ALDH1A2: variants seen among roughly 807,000 people sequenced by gnomAD.
ALDH1A2 encodes the protein retinal dehydrogenase 2.
Under a neutral mutation model 60.3 loss-of-function variants are expected in ALDH1A2, and 27 were observed. The observed-to-expected ratio is 0.45, with a 90% CI of 0.33 to 0.62. The LOEUF is 0.62. Ranked by LOEUF, ALDH1A2 falls within the 20% of genes least tolerant of loss-of-function variation. The pLI is 0.02. For missense variants in ALDH1A2, 581 were observed against 643.8 expected, an observed-to-expected ratio of 0.90 and a Z score of 1.06; for synonymous variants, 289 against 232.4, an observed-to-expected ratio of 1.24 and a Z score of -2.21.
intron 4 of ALDH1A2, among the ~76,000 whole-genome samples, chr15:58,000,381 T>G (rs1339915917): frequency 6.6e-6 from 1 of 151,832 alleles, no homozygotes. Context: ...AAGACCCTAC[T>G]ATGAATTCCA....
Position 58,014,003 on chromosome 15 carries a change from TAG to T in ALDH1A2, c.223-7_223-6del. 1.9e-6 allele frequency: 3 copies of T among 1,614,026 alleles called. No homozygotes were observed. The highest frequency in any genetic ancestry group is 1.7e-5 in the Admixed American group (1 of 60,014). On this transcript the variant is annotated splice_polypyrimidine_tract_variant and splice_region_variant and intron_variant, in intron 2 of 12. Transcript: ENST00000249750. Reference sequence around the variant, plus strand: ...CACTGCTTTGTCTATATCTGCCTGTTAGAGAGGAAGAGGCACAACTGAAGAAA... The same window carrying T: ...CACTGCTTTGTCTATATCTGCCTGTTAGAGGAAGAGGCACAACTGAAGAAA...
At chr15:58,014,143 T>G (rs771968339) in intron 2 of ALDH1A2, 34 bp downstream of exon 2, 1 of 1,614,136 alleles carries the variant, frequency 6.2e-7, no homozygotes, top group Non-Finnish European at 8.5e-7. Flanking sequence ...AGGCAGTTAT[T>G]TCATAGGAAA....
chr15:57,996,953 C>T (rs1376595558), intron 4 of ALDH1A2, among the ~76,000 whole-genome samples: 1 of 151,814 alleles, frequency 6.6e-6, no homozygotes, highest in Admixed American at 6.6e-5. Context: ...TCTTTTTAGC[C>T]ATTTGAAGAG....
chr15:58,013,099 C>T (rs1157987534), intron 3 of ALDH1A2, among the ~76,000 whole-genome samples: 2 of 152,308 alleles, frequency 1.3e-5, no homozygotes, highest in Middle Eastern at 3.4e-3. Flanking sequence ...AAGGAAGTTG[C>T]TATCTCCTGC....
intron 7 of ALDH1A2, among the ~76,000 whole-genome samples, chr15:57,968,530 C>T (rs1893965534): frequency 1.3e-5 from 2 of 152,346 alleles, no homozygotes; most frequent in Admixed American, 1.3e-4. Context: ...ATGTGTGCCA[C>T]ATACCATCAA....
chr15:58,056,887 G>A (rs778672020), intron 1 of ALDH1A2, among the ~76,000 whole-genome samples: 4 of 152,118 alleles, frequency 2.6e-5, no homozygotes, highest in Non-Finnish European at 4.4e-5. Flanking sequence ...AGAATCTGAA[G>A]TATAGGTGAA....
At chr15:57,996,428 T>G (rs1489835398) in intron 4 of ALDH1A2, among the ~76,000 whole-genome samples, 1 of 151,810 alleles carries the variant, frequency 6.6e-6, no homozygotes, top group Non-Finnish European at 1.5e-5. Context: ...ATACAAGTAT[T>G]TATAGGATCC....
intron 12 of ALDH1A2, 118 bp downstream of exon 12, chr15:57,960,652 C>T (rs1305225673): frequency 8.2e-6 from 7 of 858,780 alleles, no homozygotes; most frequent in African/African-American, 1.7e-5. Context: ...ATGTGCTCCA[C>T]GAAATGTTTG....
At chr15:58,005,172 T>G (rs1023896409) in intron 4 of ALDH1A2, among the ~76,000 whole-genome samples, 2 of 151,842 alleles carry the variant, frequency 1.3e-5, no homozygotes, top group South Asian at 2.1e-4. Flanking sequence ...CTACTCCCAC[T>G]GCCTGTAATG....
intron 7 of ALDH1A2, among the ~76,000 whole-genome samples, chr15:57,976,624 A>T (rs1457305359): frequency 6.6e-6 from 1 of 152,154 alleles, no homozygotes; most frequent in Non-Finnish European, 1.5e-5. Flanking sequence ...ATGGTATTCC[A>T]TGGTGTATAT....
intron 1 of ALDH1A2, among the ~76,000 whole-genome samples, chr15:58,022,281 C>T (rs1472096914): frequency 1.3e-5 from 2 of 152,112 alleles, no homozygotes; most frequent in African/African-American, 2.4e-5. Flanking sequence ...CTGAACATTC[C>T]GTACAGGGTA....
intron 1 of ALDH1A2, among the ~76,000 whole-genome samples, chr15:58,061,439 A>C (rs969842196): frequency 2.0e-5 from 3 of 151,920 alleles, no homozygotes; most frequent in Admixed American, 6.5e-5. Context: ...AGATTAAAAA[A>C]AAAAATCTCA....
rs1893436008 is a variant in ALDH1A2, at chr15:57,954,086, C to G, written c.*1111G>C. ...GCACGGCAGTCCTGGCACAATGGAA[C>G]TTGGCAAATGGAAAAGGAAACCCCT... On this transcript the variant is annotated 3_prime_UTR_variant, in exon 13 of 13. Transcript: ENST00000249750. 1 of 152,414 alleles carries G rather than the reference C, an allele frequency of 6.6e-6. No homozygotes were observed. Among genetic ancestry groups the G allele is most frequent in the African/African-American group, 2.4e-5 (1 of 41,446 alleles). The allele number at this position is 152,414 out of a possible 1,614,324, so 9.4% of individuals were successfully genotyped here. A position where few individuals can be genotyped will look rare whatever the true frequency, so the allele number is the denominator to read the frequency against.
In ALDH1A2 at chr15:57,960,468, C is replaced by T. The variant is rs1266455798; in HGVS notation, c.1484+302G>A. Among the ~76,000 whole-genome samples, 3 of 152,276 alleles carry T rather than the reference C, an allele frequency of 2.0e-5. No homozygotes were observed. In the East Asian group the frequency reaches 5.8e-4, roughly 29 times the overall value. On this transcript the variant is annotated intron_variant, in intron 12 of 12. Transcript: ENST00000249750. ...TTTGTGAAGTCTTCTAGGACCCGAG[C>T]AGTCAAAATTAATTGATTTTTCTCT...
chr15:57,998,888 A>T (rs953238524), intron 4 of ALDH1A2, among the ~76,000 whole-genome samples: 3 of 152,154 alleles, frequency 2.0e-5, no homozygotes, highest in Admixed American at 2.0e-4. Flanking sequence ...GAAATCAGAG[A>T]TAAGACCACA....
At chr15:58,035,112 A>C (rs1342246852) in intron 1 of ALDH1A2, among the ~76,000 whole-genome samples, 1 of 151,538 alleles carries the variant, frequency 6.6e-6, no homozygotes, top group Non-Finnish European at 1.5e-5. Flanking sequence ...AAAGGTTATT[A>C]ATTATTGATT....
chr15:57,969,948 T>G (rs1894009215), intron 7 of ALDH1A2, among the ~76,000 whole-genome samples: 1 of 152,192 alleles, frequency 6.6e-6, no homozygotes, highest in Non-Finnish European at 1.5e-5. Context: ...TAATGAATCT[T>G]CAATTTGGGA....
intron 7 of ALDH1A2, among the ~76,000 whole-genome samples, chr15:57,989,720 G>A (rs1164108175): frequency 6.6e-6 from 1 of 151,710 alleles, no homozygotes; most frequent in Admixed American, 6.6e-5. Flanking sequence ...ATTCAGATGA[G>A]TTGCAAAGGG....
intron 9 of ALDH1A2, 71 bp downstream of exon 9, chr15:57,963,814 T>C: frequency 2.0e-6 from 3 of 1,527,246 alleles, no homozygotes; most frequent in Non-Finnish European, 1.8e-6. Flanking sequence ...TGCTGGGACC[T>C]ACTACAGTGT....
Sources: gnomAD v4.1 joint callset for allele counts (sites outside exome capture counted in the v4.1 genomes callset) on GRCh38, gnomAD v4.1.1 for gene constraint, MANE v1.5 for transcripts, NCBI Gene and HGNC (gene_info 2026-07-23, HGNC 2026-07-21) for gene names.